PEMT: variants seen among roughly 807,000 people sequenced by gnomAD.
PEMT encodes phosphatidylethanolamine N-methyltransferase, also known as phospholipid methyltransferase.
In PEMT, 23 loss-of-function variants were observed where a neutral mutation model predicts 27.4. That is an observed-to-expected ratio of 0.84 (90% CI 0.60 to 1.19). PEMT has a LOEUF of 1.19. Among genes scored for constraint, PEMT ranks in the 50% most tolerant of loss-of-function variants. The probability of loss-of-function intolerance (pLI) is 0.00; values close to 1 mark genes in which losing one functional copy is unlikely to be tolerated. For missense variants in PEMT, 307 were observed against 310.1 expected (o/e 0.99, Z 0.07); for synonymous variants, 137 against 139.1 (o/e 0.98, Z 0.11).
intron 2 of PEMT, among the ~76,000 whole-genome samples, chr17:17,530,715 A>T (rs1456628618): frequency 1.3e-5 from 2 of 152,198 alleles, no homozygotes; most frequent in Non-Finnish European, 2.9e-5. Flanking sequence ...TACAGATATT[A>T]TTATTATTTT....
chr17:17,551,566 C>G (rs557592058), intron 2 of PEMT, among the ~76,000 whole-genome samples: 43 of 152,314 alleles, frequency 2.8e-4, no homozygotes, highest in African/African-American at 9.9e-4. Context: ...TGCTTTCACT[C>G]TACGTAGGAT....
chr17:17,577,783 C>T (rs1360925202), intron 1 of PEMT, among the ~76,000 whole-genome samples: 3 of 152,058 alleles, frequency 2.0e-5, no homozygotes, highest in African/African-American at 4.8e-5. Flanking sequence ...TTTGGGAGGC[C>T]GAGGCGGGCG....
In PEMT at chr17:17,567,185, C is replaced by T. The variant is rs75861954; in HGVS notation, c.204+9735G>A. Among the ~76,000 whole-genome samples the T allele has an allele frequency of 9.8e-3, 1,486 of 152,336 alleles. 28 individuals are homozygous for T. The highest frequency in any genetic ancestry group is 0.033 in the African/African-American group (1,381 of 41,572). The stretch of plus-strand genomic sequence containing the variant: ...GGAAGAGATCGGCTCAGTGGGGATC[C>T]TGCCTGCCAGGCTCCAGGTGGGAGT... On this transcript the variant is annotated intron_variant, in intron 2 of 6. Transcript: ENST00000255389.
At chr17:17,589,291 T>A (rs4924786) in intron 1 of PEMT, among the ~76,000 whole-genome samples, 2,157 of 141,518 alleles carry the variant, frequency 0.015, 48 homozygotes, top group East Asian at 0.057. Flanking sequence ...TTTTTTTTTT[T>A]AAAAACAAAA....
chr17:17,570,028 G>A (rs1911082373), intron 2 of PEMT, among the ~76,000 whole-genome samples: 1 of 152,218 alleles, frequency 6.6e-6, no homozygotes. Context: ...GCACAATGGA[G>A]CCTCACCTTG....
At chr17:17,536,717 T>G (rs1267824741) in intron 2 of PEMT, among the ~76,000 whole-genome samples, 1 of 152,250 alleles carries the variant, frequency 6.6e-6, no homozygotes, top group Non-Finnish European at 1.5e-5. Flanking sequence ...CATGAGGGCC[T>G]GCTACACCTG....
At chr17:17,543,115 C>T (rs1465283492) in intron 2 of PEMT, among the ~76,000 whole-genome samples, 3 of 152,250 alleles carry the variant, frequency 2.0e-5, no homozygotes, top group Non-Finnish European at 4.4e-5. Flanking sequence ...GCCCGGGCCA[C>T]TCGGCCACAT....
Position 17,561,528 on chromosome 17 carries a change from G to A in PEMT, c.204+15392C>T, listed in dbSNP as rs149782991. 7.6e-4 allele frequency among the ~76,000 whole-genome samples: 115 copies of A among 152,312 alleles called. No homozygotes were observed. The East Asian group carries it at 0.019, about 25-fold the overall frequency. On this transcript the variant is annotated intron_variant, in intron 2 of 6. Transcript: ENST00000255389. This position sits in a 1 kb window ranked among gnomAD's most constrained non-coding sequence, Gnocchi z 4.5. ...CGGACGGTAAGGCTGGAGGTAGGAA[G>A]AGGGAACAGACGAGGGTCACTGACG...
chr17:17,569,761 C>G (rs1911062363), intron 2 of PEMT, among the ~76,000 whole-genome samples: 1 of 152,176 alleles, frequency 6.6e-6, no homozygotes, highest in Non-Finnish European at 1.5e-5. Context: ...AGTTAAAATA[C>G]CAAAGCATGT....
At chr17:17,508,753 C>T (rs1473971499) in intron 5 of PEMT, 3 of 467,774 alleles carry the variant, frequency 6.4e-6, no homozygotes, top group Admixed American at 2.4e-5. Flanking sequence ...TGTCAGTACC[C>T]GTACCTGGCT....
At chr17:17,558,887 C>T (rs949986640) in intron 2 of PEMT, among the ~76,000 whole-genome samples, 1 of 152,108 alleles carries the variant, frequency 6.6e-6, no homozygotes, top group African/African-American at 2.4e-5. Context: ...CCCACCCAAC[C>T]AGGGTCCTAA....
At chr17:17,576,872 CAAGCAGTG>C in intron 2 of PEMT, 40 bp downstream of exon 2, 2 of 1,469,908 alleles carry the variant, frequency 1.4e-6, no homozygotes, top group South Asian at 2.3e-5. Context: ...TGGGGCTCAC[CAAGCAGTG>C]AGATACTCCC....
chr17:17,585,975 C>T (rs1293779784), intron 1 of PEMT, among the ~76,000 whole-genome samples: 1 of 150,480 alleles, frequency 6.6e-6, no homozygotes, highest in Non-Finnish European at 1.5e-5. Flanking sequence ...CCCAGCTACT[C>T]GGGAGGCTGA....
chr17:17,514,721 G>C (rs56180978), intron 3 of PEMT, among the ~76,000 whole-genome samples: 2 of 152,210 alleles, frequency 1.3e-5, no homozygotes, highest in African/African-American at 4.8e-5. Flanking sequence ...GTGGTGCCAC[G>C]ATCCAGGCAC....
At chr17:17,581,238 C>G (rs1911957040) in intron 1 of PEMT, among the ~76,000 whole-genome samples, 1 of 152,202 alleles carries the variant, frequency 6.6e-6, no homozygotes, top group Non-Finnish European at 1.5e-5. Context: ...ATGTTAGTCA[C>G]CTTAGCTGAG....
intron 2 of PEMT, among the ~76,000 whole-genome samples, chr17:17,542,618 G>A (rs1420477659): frequency 6.6e-6 from 1 of 152,220 alleles, no homozygotes; most frequent in African/African-American, 2.4e-5. Context: ...GGAAAAACAG[G>A]GGAATGGGTT....
intron 1 of PEMT, among the ~76,000 whole-genome samples, chr17:17,586,231 AG>A (rs1912260435): frequency 1.1e-5 from 1 of 88,644 alleles, no homozygotes; most frequent in African/African-American, 6.4e-5. Flanking sequence ...AAAGAAAGAA[AG>A]AAAGAAAGAA....
At chr17:17,538,433 T>C (rs1444563552) in intron 2 of PEMT, among the ~76,000 whole-genome samples, 2 of 152,202 alleles carry the variant, frequency 1.3e-5, no homozygotes, top group Non-Finnish European at 2.9e-5. Context: ...CACATGCCTG[T>C]AGTCCCAGCT....
intron 1 of PEMT, among the ~76,000 whole-genome samples, chr17:17,578,930 A>G (rs550604425): frequency 6.6e-6 from 1 of 152,318 alleles, no homozygotes; most frequent in South Asian, 2.1e-4. Context: ...TATAATAATA[A>G]AAATTTTTTT....
Sources: gnomAD v4.1 joint callset for allele counts (sites outside exome capture counted in the v4.1 genomes callset) on GRCh38, gnomAD v4.1.1 for gene constraint, Gnocchi (gnomAD v3.1) non-coding constraint, MANE v1.5 for transcripts, NCBI Gene and HGNC (gene_info 2026-07-23, HGNC 2026-07-21) for gene names.